Variants in STK3 observed in about 807,000 individuals in gnomAD.
STK3 encodes the protein serine/threonine-protein kinase 3.
In STK3, 41 loss-of-function variants were observed where a neutral mutation model predicts 58.0. That is an observed-to-expected ratio of 0.71 (90% CI 0.55 to 0.92). The LOEUF is 0.92. STK3 is among the 40% of genes least tolerant of loss of function. The probability of loss-of-function intolerance (pLI) is 0.00; values close to 1 mark genes in which losing one functional copy is unlikely to be tolerated. For missense variants in STK3, 479 were observed against 602.7 expected (o/e 0.79, Z 2.15); for synonymous variants, 170 against 191.0 (o/e 0.89, Z 0.91).
intron 8 of STK3, among the ~76,000 whole-genome samples, chr8:98,559,551 T>C (rs772013045): frequency 1.3e-5 from 2 of 152,138 alleles, no homozygotes; most frequent in Non-Finnish European, 2.9e-5. Context: ...CAATCCAATC[T>C]ATGCTCATGG....
intron 6 of STK3, chr8:98,651,323 A>T (rs1820908975): frequency 6.6e-6 from 1 of 152,352 alleles, no homozygotes; most frequent in Non-Finnish European, 1.5e-5. Flanking sequence ...AAGGACATCC[A>T]CACCAAAAAC....
At chr8:98,583,105 G>A (rs1202554682) in intron 7 of STK3, among the ~76,000 whole-genome samples, 2 of 150,180 alleles carry the variant, frequency 1.3e-5, no homozygotes, top group Non-Finnish European at 3.0e-5. Flanking sequence ...AAATTTCATT[G>A]CCTGTTTTTA....
chr8:98,870,820 T>C (rs1194967022), intron 3 of STK3, among the ~76,000 whole-genome samples: 3 of 152,238 alleles, frequency 2.0e-5, no homozygotes, highest in Non-Finnish European at 4.4e-5. Flanking sequence ...GTAGTTTCTT[T>C]TGCTGTGCAG....
At chr8:98,896,133 C>G (rs1200191315) in intron 1 of STK3, among the ~76,000 whole-genome samples, 3 of 152,140 alleles carry the variant, frequency 2.0e-5, no homozygotes, top group Admixed American at 1.3e-4. Context: ...GTACAACTGC[C>G]TTCATCCTAA....
chr8:98,460,304 A>G (rs1357042256), intron 10 of STK3, among the ~76,000 whole-genome samples: 2 of 152,122 alleles, frequency 1.3e-5, no homozygotes, highest in African/African-American at 2.4e-5. Context: ...TGTTTTGGCC[A>G]ATTTCTCCCA....
intron 10 of STK3, among the ~76,000 whole-genome samples, chr8:98,510,802 C>T (rs1472320818): frequency 6.6e-6 from 1 of 151,988 alleles, no homozygotes; most frequent in Non-Finnish European, 1.5e-5. Flanking sequence ...GACCTTAAAG[C>T]CTAACGGTGA....
At chr8:98,642,478 A>G (rs1820102083) in intron 6 of STK3, among the ~76,000 whole-genome samples, 1 of 152,128 alleles carries the variant, frequency 6.6e-6, no homozygotes, top group South Asian at 2.1e-4. Context: ...AACCTTTAGA[A>G]GATTAGTATT....
At chr8:98,572,915 A>G (rs893000386) in intron 8 of STK3, among the ~76,000 whole-genome samples, 17 of 152,318 alleles carry the variant, frequency 1.1e-4, no homozygotes, top group Non-Finnish European at 1.9e-4. Context: ...GCCCCAGAGA[A>G]TAAATGTTTA....
At chr8:98,784,310 C>T (rs1832314986) in intron 1 of STK3, among the ~76,000 whole-genome samples, 1 of 152,206 alleles carries the variant, frequency 6.6e-6, no homozygotes, top group Non-Finnish European at 1.5e-5. Flanking sequence ...GTAGTTAGTG[C>T]CTCAGCAGTA....
chr8:98,675,959 G>A (rs536274248), intron 6 of STK3, among the ~76,000 whole-genome samples: 2 of 152,198 alleles, frequency 1.3e-5, no homozygotes, highest in Non-Finnish European at 2.9e-5. Context: ...AACAATCGAA[G>A]TTTCCATCAA....
chr8:98,685,689 T>C (rs1653249550), intron 6 of STK3, among the ~76,000 whole-genome samples: 1 of 151,906 alleles, frequency 6.6e-6, no homozygotes, highest in African/African-American at 2.4e-5. Flanking sequence ...CTCCCACTCC[T>C]CTGGATCCTT....
At chr8:98,731,911 A>G (rs1306810541) in intron 4 of STK3, among the ~76,000 whole-genome samples, 1 of 152,132 alleles carries the variant, frequency 6.6e-6, no homozygotes, top group African/African-American at 2.4e-5. Context: ...AAGGAAATCC[A>G]TAACCCTAGA....
At chr8:98,696,738 GTGC>G (rs1266857046) in intron 6 of STK3, among the ~76,000 whole-genome samples, 5 of 152,128 alleles carry the variant, frequency 3.3e-5, no homozygotes, top group Middle Eastern at 3.2e-3. Context: ...GCTTTTTGAT[GTGC>G]TGCTGGATTC....
At chr8:98,410,145 A>C (rs1266013392) in intron 3 of STK3, among the ~76,000 whole-genome samples, 2 of 152,222 alleles carry the variant, frequency 1.3e-5, no homozygotes, top group African/African-American at 2.4e-5. Context: ...CAGCTGGCTA[A>C]AATCGGTTTG....
Position 98,725,890 on chromosome 8 carries a change from T to C in STK3, c.352-18579A>G, listed in dbSNP as rs371020528. Reference sequence around the variant, plus strand: ...GCAAGTAATATGATATTAGATCAATTTCAGGATTAGGAAACTGAAGCTGAG... The same window carrying C: ...GCAAGTAATATGATATTAGATCAATCTCAGGATTAGGAAACTGAAGCTGAG... On this transcript the variant is annotated intron_variant, in intron 4 of 10. Coordinates refer to ENST00000419617, the MANE Select transcript of STK3 (RefSeq NM_006281.4). Among the ~76,000 whole-genome samples, 255 of 152,284 alleles carry C rather than the reference T, an allele frequency of 1.7e-3. 1 individual carries two copies. Among genetic ancestry groups the C allele is most frequent in the African/African-American group, 5.8e-3 (243 of 41,552 alleles).
intron 1 of STK3, among the ~76,000 whole-genome samples, chr8:98,780,280 T>C (rs1341237359): frequency 6.6e-6 from 1 of 152,088 alleles, no homozygotes; most frequent in Non-Finnish European, 1.5e-5. Flanking sequence ...AGCCCTTCTT[T>C]CCCACAGTTC....
chr8:98,825,471 G>C, intron 1 of STK3, 44 bp downstream of exon 1: 1 of 1,430,154 alleles, frequency 7.0e-7, no homozygotes, highest in Non-Finnish European at 9.2e-7. Context: ...CCCCGCGGCC[G>C]CCGGCGCCGC....
chr8:98,468,699 C>T (rs931773329), intron 10 of STK3, among the ~76,000 whole-genome samples: 1 of 152,154 alleles, frequency 6.6e-6, no homozygotes, highest in Non-Finnish European at 1.5e-5. Flanking sequence ...GGGGAAGAAT[C>T]AACTTTCAAA....
chr8:98,360,959 ACT>A, the STK3 span, among the ~76,000 whole-genome samples: 2 of 152,188 alleles, frequency 1.3e-5, no homozygotes, highest in African/African-American at 4.8e-5. Context: ...CGTTCAGTTC[ACT>A]CTCTTCAACC....
Sources: gnomAD v4.1 joint callset for allele counts (sites outside exome capture counted in the v4.1 genomes callset) on GRCh38, gnomAD v4.1.1 for gene constraint, MANE v1.5 for transcripts, NCBI Gene and HGNC (gene_info 2026-07-23, HGNC 2026-07-21) for gene names.